GPR107: variants seen among roughly 807,000 people sequenced by gnomAD.
GPR107 encodes protein GPR107.
GPR107 carries 31 observed loss-of-function variants against 75.5 expected under a neutral mutation model. The observed-to-expected ratio is 0.41, with a 90% CI of 0.31 to 0.55. GPR107 has a LOEUF of 0.55. GPR107 is among the 20% of genes least tolerant of loss of function. The pLI, the probability that GPR107 is intolerant of heterozygous loss-of-function variation, is 0.26. For synonymous variants in GPR107, 267 were observed against 251.3 expected (o/e 1.06, Z -0.59); for missense variants, 572 against 665.7 (o/e 0.86, Z 1.55).
intron 8 of GPR107, among the ~76,000 whole-genome samples, chr9:130,092,004 T>G (rs1830751260): frequency 6.6e-6 from 1 of 151,990 alleles, no homozygotes; most frequent in Admixed American, 6.6e-5. Flanking sequence ...CTAATTTTTT[T>G]TGTGTTTTTA....
At chr9:130,075,505 C>T (rs1332502540) in intron 1 of GPR107, 131 bp from the exon 2 acceptor site, 2 of 563,064 alleles carry the variant, frequency 3.6e-6, no homozygotes, top group Admixed American at 2.8e-5. Context: ...CTCAGTCTCC[C>T]AAAGTGGTGG....
chr9:130,101,000 G>A (rs763486456), intron 11 of GPR107, 106 bp from the exon 12 acceptor site: 11 of 761,746 alleles, frequency 1.4e-5, no homozygotes, highest in South Asian at 3.1e-5. Flanking sequence ...TTGGCTGCCC[G>A]TCTTTTGTAA....
chr9:130,067,067 T>G (rs1336207195), intron 1 of GPR107, among the ~76,000 whole-genome samples: 1 of 152,048 alleles, frequency 6.6e-6, no homozygotes, highest in East Asian at 1.9e-4. Context: ...GGAAGAGAGC[T>G]GGGAGAATGT....
At chr9:130,097,812 T>A (rs551279373) in intron 9 of GPR107, among the ~76,000 whole-genome samples, 1 of 151,626 alleles carries the variant, frequency 6.6e-6, no homozygotes, top group Non-Finnish European at 1.5e-5. Context: ...GCTCAAGTGA[T>A]CCTCCCACCT....
rs189563352 is a variant in GPR107 at position 130,074,057 on chromosome 9, G to A, written c.142-1579G>A. On this transcript the variant is annotated intron_variant, in intron 1 of 17. Coordinates refer to ENST00000347136, the MANE Select transcript of GPR107 (RefSeq NM_020960.5). ...CAGGCGTGAGCCACCACGCCCGGCC[G>A]AGTCCTGGGTTTTTAACAGATGTTG... Among the ~76,000 whole-genome samples, 591 of 152,230 alleles carry A rather than the reference G, an allele frequency of 3.9e-3. 2 individuals carry two copies. The highest frequency in any genetic ancestry group is 7.1e-3 in the Non-Finnish European group (481 of 67,980).
At chr9:130,110,559 A>T (rs1319142860) in intron 14 of GPR107, 1 of 652,734 alleles carries the variant, frequency 1.5e-6, no homozygotes, top group Non-Finnish European at 2.8e-6. Context: ...ATTTTGGTTC[A>T]TGTTCTTTTC....
intron 1 of GPR107, among the ~76,000 whole-genome samples, chr9:130,069,984 C>CTTTTTTTTTT (rs1045979986): frequency 0.047 from 2,038 of 43,700 alleles, 111 homozygotes; most frequent in Non-Finnish European, 0.063. Context: ...TGCCTGGCCT[C>CTTTTTTTTTT]TTTTTTTTTT....
chr9:130,132,290 C>T (rs1233819696), intron 17 of GPR107, among the ~76,000 whole-genome samples: 5 of 152,168 alleles, frequency 3.3e-5, no homozygotes, highest in Admixed American at 6.5e-5. Context: ...CTCTGATTCT[C>T]ACCCCTTGGG....
chr9:130,067,747 G>GC (rs1488209261), intron 1 of GPR107, among the ~76,000 whole-genome samples: 4,454 of 51,822 alleles, frequency 0.086, 242 homozygotes, highest in African/African-American at 0.23. Context: ...CCCCCCCACC[G>GC]CCCCCTTTTT....
At chr9:130,104,986 A>C (rs1831126811) in intron 13 of GPR107, among the ~76,000 whole-genome samples, 1 of 152,226 alleles carries the variant, frequency 6.6e-6, no homozygotes, top group Admixed American at 6.5e-5. Context: ...TGTTTTCAGA[A>C]TGGATTGCTC....
chr9:130,084,352 C>G (rs561302167), intron 6 of GPR107, among the ~76,000 whole-genome samples: 1 of 150,404 alleles, frequency 6.6e-6, no homozygotes, highest in African/African-American at 2.4e-5. Flanking sequence ...GAGCCAAGAT[C>G]GCGCTACTGC....
chr9:130,084,367 C>T (rs189875613), intron 6 of GPR107, among the ~76,000 whole-genome samples: 36 of 150,210 alleles, frequency 2.4e-4, no homozygotes, highest in South Asian at 8.5e-4. Context: ...TACTGCACTC[C>T]AGCCTGGGTG....
intron 17 of GPR107, among the ~76,000 whole-genome samples, chr9:130,130,638 G>A (rs1831802406): frequency 6.6e-6 from 1 of 152,122 alleles, no homozygotes. Flanking sequence ...TTAGGAGGCC[G>A]AGGCAGGCAG....
chr9:130,072,214 A>G (rs10122410), intron 1 of GPR107, among the ~76,000 whole-genome samples: 136,701 of 150,924 alleles, frequency 0.91, 62,332 homozygotes, highest in East Asian at 0.97. Flanking sequence ...TTATTTTTTT[A>G]TTTATTTAAT....
chr9:130,094,992 T>TTTTTATTTTTTA (rs1830830009), intron 9 of GPR107, among the ~76,000 whole-genome samples: 1 of 151,998 alleles, frequency 6.6e-6, no homozygotes, highest in Non-Finnish European at 1.5e-5. Context: ...CTGTTGTTTT[T>TTTTTATTTTTTA]TTTTATTTTT....
chr9:130,077,183 C>T (rs1397170587), intron 3 of GPR107, 116 bp from the exon 4 acceptor site: 3 of 683,454 alleles, frequency 4.4e-6, no homozygotes, highest in Non-Finnish European at 8.0e-6. Context: ...ACCACGCCCA[C>T]CGGTTTACTA....
intron 15 of GPR107, among the ~76,000 whole-genome samples, 190 bp downstream of exon 15, chr9:130,125,154 A>T (rs1831643819): frequency 8.5e-6 from 1 of 118,320 alleles, no homozygotes; most frequent in Admixed American, 1.2e-4. Context: ...GCTGGAGTGC[A>T]GTGGCACGAT....
intron 1 of GPR107, among the ~76,000 whole-genome samples, chr9:130,055,759 A>G (rs934567762): frequency 1.3e-5 from 2 of 151,890 alleles, no homozygotes; most frequent in African/African-American, 4.8e-5. Flanking sequence ...AGCCTGGCCA[A>G]CATGGCAAAA....
At position 130,104,323 on chromosome 9, in the gene GPR107, G is replaced by C. The variant is rs1589515259; in HGVS notation, c.1132-97G>C. The C allele has an allele frequency of 1.4e-5, 14 of 1,001,470 alleles. No homozygotes were observed. The East Asian group carries it at 3.4e-4, about 24-fold the overall frequency. The allele number at this position is 1,001,470 out of a possible 1,614,324, so 62.0% of individuals were successfully genotyped here. The stretch of plus-strand genomic sequence containing the variant: ...AAAGAATGCTGTGGTCGCAGATCGT[G>C]GGTCTGGAGGCCAAGGTGTACACCC... On this transcript the variant is annotated intron_variant, in intron 12 of 17. Transcript: ENST00000347136.
Sources: gnomAD v4.1 joint callset for allele counts (sites outside exome capture counted in the v4.1 genomes callset) on GRCh38, gnomAD v4.1.1 for gene constraint, MANE v1.5 for transcripts, NCBI Gene and HGNC (gene_info 2026-07-23, HGNC 2026-07-21) for gene names.